The following EVC variants were observed in gnomAD, a reference collection of about 807,000 sequenced individuals.
EVC encodes the protein evC complex member EVC.
A neutral mutation model predicts 118.9 loss-of-function variants in EVC; 116 were observed. The observed-to-expected ratio is 0.98, with a 90% CI of 0.84 to 1.14. EVC has a LOEUF of 1.14. EVC is among the 50% of genes most tolerant of loss of function. EVC has a pLI of 0.00. For missense variants in EVC, 1,401 were observed against 1,246.4 expected (o/e 1.12, Z -1.87); for synonymous variants, 619 against 534.7 (o/e 1.16, Z -2.18).
intron 3 of EVC, among the ~76,000 whole-genome samples, chr4:5,730,413 C>G (rs184502909): frequency 9.0e-4 from 136 of 150,502 alleles, no homozygotes; most frequent in African/African-American, 3.1e-3. Flanking sequence ...TGAGCAGTAA[C>G]TGGCTCAAGG....
intron 11 of EVC, among the ~76,000 whole-genome samples, chr4:5,779,414 C>A (rs748537556): frequency 0.12 from 18,046 of 147,706 alleles, 1,710 homozygotes; most frequent in African/African-American, 0.27. Flanking sequence ...GGCATTGAAT[C>A]TATAAATTAC....
In EVC at chr4:5,729,317, C is replaced by G. The variant is rs201640469; in HGVS notation, c.311C>G (p.Pro104Arg). 1.9e-6 allele frequency: 3 copies of G among 1,614,074 alleles called. No homozygotes were observed. The highest frequency in any genetic ancestry group is 2.5e-6 in the Non-Finnish European group (3 of 1,180,012). ...GTCTTTCCCTCCCAGGAATGTGAGC[C>G]GCCTTCCAACAGCAATATCACAGCA... ...KDKEAVDECE[P>R]PSNSNITAFA... The change falls in exon 3 of 21, where the codon CCG becomes CGG. Residue 104 changes from proline to arginine, a missense_variant. Transcript: ENST00000264956.
At chr4:5,718,616 A>G (rs1724382502) in intron 1 of EVC, among the ~76,000 whole-genome samples, 1 of 152,182 alleles carries the variant, frequency 6.6e-6, no homozygotes, top group Non-Finnish European at 1.5e-5. Context: ...TCAACTGAGC[A>G]CGTGCATGCT....
rs1215563839 is a variant in EVC, at chr4:5,789,658, A to T, written c.1777-3950A>T. On this transcript the variant is annotated intron_variant, in intron 12 of 20. Coordinates refer to ENST00000264956, the MANE Select transcript of EVC (RefSeq NM_153717.3). This position sits in a 1 kb window ranked among gnomAD's most constrained non-coding sequence, Gnocchi z 4.3. Reference sequence around the variant, plus strand: ...TGAGGCCACAAAATGACCTGGTAGCAATGACCAGCACTCTAGCCCGAGGAA... The same window carrying T: ...TGAGGCCACAAAATGACCTGGTAGCTATGACCAGCACTCTAGCCCGAGGAA... Among the ~76,000 whole-genome samples the T allele has an allele frequency of 6.6e-6, 1 of 152,230 alleles. No individual in the cohort carries two copies. The highest frequency in any genetic ancestry group is 2.4e-5 in the African/African-American group (1 of 41,454).
chr4:5,817,228 G>C (rs1008144143), downstream of EVC, among the ~76,000 whole-genome samples: 1 of 152,252 alleles, frequency 6.6e-6, no homozygotes, highest in East Asian at 1.9e-4. Flanking sequence ...CTGGATGGGG[G>C]AGGGCAGTGG....
chr4:5,769,633 G>GTCATCCCATTCCAGGGGCCA (rs1215890393), intron 11 of EVC, among the ~76,000 whole-genome samples: 12 of 152,106 alleles, frequency 7.9e-5, no homozygotes, highest in Non-Finnish European at 1.8e-4. Flanking sequence ...GGAGTTTGCT[G>GTCATCCCATTCCAGGGGCCA]TCATCCCATT....
intron 11 of EVC, chr4:5,757,940 C>G: frequency 1.6e-6 from 1 of 606,086 alleles, no homozygotes; most frequent in South Asian, 2.0e-5. Context: ...TCCTTCAAAA[C>G]GTCATGTCCA....
chr4:5,767,953 T>G (rs878920095), intron 11 of EVC, among the ~76,000 whole-genome samples: 4 of 152,234 alleles, frequency 2.6e-5, no homozygotes, highest in Admixed American at 2.6e-4. Flanking sequence ...AATTTTACTT[T>G]TCTTCCTCAG....
rs4689303 is a variant in EVC, at chr4:5,793,889, C to A, written c.1886+172C>A. On this transcript the variant is annotated intron_variant, in intron 13 of 20. Coordinates refer to ENST00000264956, the MANE Select transcript of EVC (RefSeq NM_153717.3). ...TCCTCATCTATAAAATGGGATAATG[C>A]TATCTATTTGATAGAGTTGTCTGTC... is the stretch of plus-strand genomic sequence containing the variant. Among the ~76,000 whole-genome samples the A allele has an allele frequency of 1, 152,328 of 152,330 alleles. 76,163 individuals carry two copies. The highest frequency in any genetic ancestry group is 1 in the Middle Eastern group (294 of 294).
At chr4:5,735,143 C>G (rs1156245576) in intron 5 of EVC, among the ~76,000 whole-genome samples, 1 of 152,212 alleles carries the variant, frequency 6.6e-6, no homozygotes, top group Non-Finnish European at 1.5e-5. Context: ...CTTTGTGGAG[C>G]CCACTCTCTG....
rs905035378 is a variant in EVC at position 5,783,458 on chromosome 4, G to C, written c.1564-94G>C. 40 of 1,201,998 alleles carry C rather than the reference G, an allele frequency of 3.3e-5. No individual in the cohort carries two copies. The African/African-American group carries it at 5.1e-4, about 15-fold the overall frequency. The allele number at this position is 1,201,998 out of a possible 1,614,324, so 74.5% of individuals were successfully genotyped here. A position where few individuals can be genotyped will look rare whatever the true frequency, so the allele number is the denominator to read the frequency against. ...CTGTCTGTGGATCTCCTTGTGTCTT[G>C]TGGGAGGCTTGTGGAGGAGAGGCAG... On this transcript the variant is annotated intron_variant, in intron 11 of 20. Transcript: ENST00000264956.
rs147511780 is a variant in EVC, at chr4:5,759,967, T to G, written c.1563+3605T>G. Reference sequence around the variant, plus strand: ...TTCGGTCAGGAAAGGTGGGACAACTTGAAGCAAAGACAGGAAGACTCCAAG... The same window carrying G: ...TTCGGTCAGGAAAGGTGGGACAACTGGAAGCAAAGACAGGAAGACTCCAAG... On this transcript the variant is annotated intron_variant, in intron 11 of 20. Transcript: ENST00000264956. Among the ~76,000 whole-genome samples the G allele has an allele frequency of 4.9e-4, 75 of 152,180 alleles. No individual in the cohort carries two copies. The East Asian group carries it at 0.014, about 28-fold the overall frequency.
chr4:5,745,733 C>CT (rs1729270748), intron 7 of EVC, among the ~76,000 whole-genome samples: 1 of 152,136 alleles, frequency 6.6e-6, no homozygotes, highest in Admixed American at 6.5e-5. Context: ...CATCGTTTTT[C>CT]TTTTCTTTTG....
chr4:5,769,479 CCT>C (rs10533756), intron 11 of EVC, among the ~76,000 whole-genome samples: 58,815 of 151,900 alleles, frequency 0.39, 11,756 homozygotes, highest in Middle Eastern at 0.52. Context: ...CTGAATCCCC[CCT>C]GTCTCTCGGC....
the EVC span, among the ~76,000 whole-genome samples, chr4:5,822,715 C>T: frequency 2.6e-5 from 4 of 152,226 alleles, no homozygotes; most frequent in East Asian, 1.9e-4. Flanking sequence ...GTTGAGCCGG[C>T]GGAACTGAGG....
intron 5 of EVC, among the ~76,000 whole-genome samples, chr4:5,740,729 T>A (rs762860873): frequency 6.6e-6 from 1 of 152,020 alleles, no homozygotes; most frequent in Admixed American, 6.5e-5. Flanking sequence ...TAAGGAAATT[T>A]CCAAACTCAG....
chr4:5,780,512 T>A (rs4689305), intron 11 of EVC, among the ~76,000 whole-genome samples: 56,707 of 152,044 alleles, frequency 0.37, 10,802 homozygotes, highest in Admixed American at 0.48. Flanking sequence ...GTTATATAGA[T>A]TGAGTGATAT....
rs1466357456 is a variant in EVC, at chr4:5,756,840, G to A, written c.1563+478G>A. On this transcript the variant is annotated intron_variant, in intron 11 of 20. Transcript: ENST00000264956. This position sits in a 1 kb window ranked among gnomAD's most constrained non-coding sequence, Gnocchi z 4.2. ...CTTGCCCTGCAGGGTGACTTTCAGA[G>A]AGCAGGAGAGGGCACCTGAGCCCTC... Among the ~76,000 whole-genome samples the A allele has an allele frequency of 1.3e-5, 2 of 152,166 alleles. No individual in the cohort carries two copies. The highest frequency in any genetic ancestry group is 2.9e-5 in the Non-Finnish European group (2 of 68,024).
chr4:5,822,494 G>A, the EVC span, among the ~76,000 whole-genome samples: 1 of 77,390 alleles, frequency 1.3e-5, no homozygotes, highest in Non-Finnish European at 2.2e-5. Context: ...TGGATCTGAA[G>A]GGGGGGGGGG....
Sources: gnomAD v4.1 joint callset for allele counts (sites outside exome capture counted in the v4.1 genomes callset) on GRCh38, gnomAD v4.1.1 for gene constraint, Gnocchi (gnomAD v3.1) non-coding constraint, MANE v1.5 for transcripts, NCBI Gene and HGNC (gene_info 2026-07-23, HGNC 2026-07-21) for gene names.